Variants in SH3RF3 observed in about 807,000 individuals in gnomAD.
The protein encoded by SH3RF3 is E3 ubiquitin-protein ligase SH3RF3.
A neutral mutation model predicts 66.3 loss-of-function variants in SH3RF3; 29 were observed. The observed-to-expected ratio is 0.44, with a 90% CI of 0.33 to 0.60. The LOEUF (loss-of-function observed/expected upper bound fraction) is 0.60, where lower values mean the gene tolerates loss of function less well. Ranked by LOEUF, SH3RF3 falls within the 20% of genes least tolerant of loss-of-function variation. The pLI is 0.04. For missense variants in SH3RF3, 1,194 were observed against 1,190.9 expected (o/e 1.00, Z -0.04); for synonymous variants, 583 against 532.0 (o/e 1.10, Z -1.32).
intron 1 of SH3RF3, among the ~76,000 whole-genome samples, chr2:109,214,410 C>T (rs1357280311): frequency 1.3e-5 from 2 of 150,990 alleles, no homozygotes; most frequent in Admixed American, 1.3e-4. Flanking sequence ...TGTAACAAAC[C>T]TGCACACTGT....
chr2:109,447,165 A>AAAAG (rs1315786344), intron 7 of SH3RF3, among the ~76,000 whole-genome samples: 3 of 148,646 alleles, frequency 2.0e-5, no homozygotes, highest in Admixed American at 1.3e-4. Context: ...AAAAAAAAAA[A>AAAAG]AAAGAAAAGA....
chr2:109,426,081 A>AT (rs1396447876), intron 5 of SH3RF3, among the ~76,000 whole-genome samples: 2 of 152,034 alleles, frequency 1.3e-5, no homozygotes, highest in Middle Eastern at 3.4e-3. Flanking sequence ...TATATTGTAT[A>AT]TTTTTTTAGT....
chr2:109,272,383 G>A (rs1027404438), intron 1 of SH3RF3, among the ~76,000 whole-genome samples: 10 of 152,238 alleles, frequency 6.6e-5, no homozygotes, highest in African/African-American at 2.4e-4. Context: ...AAGCAGGACT[G>A]TGCAGGCACC....
rs1453782419 is a variant in SH3RF3, at chr2:109,130,128, C to T, written c.573+15C>T. 18 of 1,287,298 alleles carry T rather than the reference C, an allele frequency of 1.4e-5. No individual in the cohort carries two copies. In the South Asian group the frequency reaches 2.2e-4, roughly 16 times the overall value. The allele number at this position is 1,287,298 out of a possible 1,614,324, so 79.7% of individuals were successfully genotyped here. A position where few individuals can be genotyped will look rare whatever the true frequency, so the allele number is the denominator to read the frequency against. On this transcript the variant is annotated intron_variant, in intron 1 of 9. Transcript: ENST00000309415. ...CGGCGGCAAAGGTGAGTATCTGTCT[C>T]GGCGGAAGTGGCCACGGCACGTGGG...
At chr2:109,291,547 G>A (rs1197536015) in intron 1 of SH3RF3, among the ~76,000 whole-genome samples, 1 of 152,216 alleles carries the variant, frequency 6.6e-6, no homozygotes, top group African/African-American at 2.4e-5. Flanking sequence ...GTCTGCAGCC[G>A]GCGATGCCCT....
intron 1 of SH3RF3, among the ~76,000 whole-genome samples, chr2:109,132,211 T>G (rs1017966768): frequency 2.0e-5 from 3 of 152,222 alleles, no homozygotes; most frequent in Non-Finnish European, 4.4e-5. Flanking sequence ...ATTTTCCAAT[T>G]AGAAGCTCCT....
chr2:109,213,772 G>T (rs926606866), intron 1 of SH3RF3, among the ~76,000 whole-genome samples: 1 of 152,220 alleles, frequency 6.6e-6, no homozygotes, highest in Non-Finnish European at 1.5e-5. Context: ...ACGTGACGTG[G>T]TCTCACTGTG....
chr2:109,438,109 T>A (rs1431287969), intron 7 of SH3RF3, among the ~76,000 whole-genome samples: 8 of 152,214 alleles, frequency 5.3e-5, no homozygotes, highest in Admixed American at 3.9e-4. Context: ...CCATTAGAAG[T>A]GTCCAGAAAG....
intron 4 of SH3RF3, among the ~76,000 whole-genome samples, chr2:109,413,142 T>C (rs1396320662): frequency 6.6e-6 from 1 of 152,212 alleles, no homozygotes; most frequent in African/African-American, 2.4e-5. Flanking sequence ...TGAGATAGAG[T>C]CTTGCTCTGT....
chr2:109,199,953 C>T (rs1171603566), intron 1 of SH3RF3, among the ~76,000 whole-genome samples: 3 of 148,714 alleles, frequency 2.0e-5, no homozygotes, highest in Non-Finnish European at 4.5e-5. Context: ...TCCCCAGGGA[C>T]GTTTGCAGTG....
chr2:109,465,270 G>A (rs1276964993), intron 8 of SH3RF3, among the ~76,000 whole-genome samples: 1 of 152,188 alleles, frequency 6.6e-6, no homozygotes, highest in Non-Finnish European at 1.5e-5. Context: ...TATGAATACA[G>A]CCGCTATAAA....
At chr2:109,206,141 T>G (rs762340658) in intron 1 of SH3RF3, among the ~76,000 whole-genome samples, 1 of 152,142 alleles carries the variant, frequency 6.6e-6, no homozygotes, top group Non-Finnish European at 1.5e-5. Context: ...AGGTTTTGCT[T>G]GGTGTAGAAT....
intron 2 of SH3RF3, among the ~76,000 whole-genome samples, chr2:109,368,708 T>TAAAAAAA (rs372666198): frequency 7.3e-6 from 1 of 136,810 alleles, no homozygotes; most frequent in Non-Finnish European, 1.6e-5. Flanking sequence ...GTATTTTCTT[T>TAAAAAAA]AAAAAAAAAA....
intron 1 of SH3RF3, among the ~76,000 whole-genome samples, chr2:109,289,387 G>C (rs1254862196): frequency 1.3e-5 from 2 of 152,120 alleles, no homozygotes; most frequent in African/African-American, 4.8e-5. Context: ...CAGAGTTTTA[G>C]GGTACTCTTC....
chr2:109,134,305 C>T (rs1676768691), intron 1 of SH3RF3, among the ~76,000 whole-genome samples: 1 of 152,114 alleles, frequency 6.6e-6, no homozygotes, highest in Non-Finnish European at 1.5e-5. Flanking sequence ...GTGGTTCGGT[C>T]TTGGATATAA....
intron 3 of SH3RF3, among the ~76,000 whole-genome samples, chr2:109,379,923 TTAGACCTA>T: frequency 6.6e-6 from 1 of 152,208 alleles, no homozygotes; most frequent in Non-Finnish European, 1.5e-5. Flanking sequence ...AGGCAAATTC[TTAGACCTA>T]TCAGGGAGAA....
intron 4 of SH3RF3, among the ~76,000 whole-genome samples, chr2:109,406,469 G>GT (rs1676456198): frequency 6.6e-6 from 1 of 152,132 alleles, no homozygotes; most frequent in Non-Finnish European, 1.5e-5. Flanking sequence ...ACCAAGCTGT[G>GT]AATGCTTGCT....
intron 1 of SH3RF3, among the ~76,000 whole-genome samples, chr2:109,303,621 G>A (rs546765821): frequency 1.3e-5 from 2 of 152,346 alleles, no homozygotes; most frequent in African/African-American, 4.8e-5. Flanking sequence ...GCGAGACAAA[G>A]TCAGGGAGGC....
At chr2:109,362,929 T>G (rs1318302500) in intron 2 of SH3RF3, among the ~76,000 whole-genome samples, 1 of 152,220 alleles carries the variant, frequency 6.6e-6, no homozygotes, top group Non-Finnish European at 1.5e-5. Context: ...TTCATTGATT[T>G]GCTGTTAATC....
Sources: gnomAD v4.1 joint callset for allele counts (sites outside exome capture counted in the v4.1 genomes callset) on GRCh38, gnomAD v4.1.1 for gene constraint, MANE v1.5 for transcripts, NCBI Gene and HGNC (gene_info 2026-07-23, HGNC 2026-07-21) for gene names.